Variants in AGBL3 observed in about 807,000 individuals in gnomAD.
AGBL3 encodes cytosolic carboxypeptidase 3.
A neutral mutation model predicts 94.5 loss-of-function variants in AGBL3; 68 were observed. The observed-to-expected ratio is 0.72, with a 90% CI of 0.59 to 0.88. The LOEUF is 0.88. AGBL3 is among the 40% of genes least tolerant of loss of function. AGBL3 has a pLI of 0.00. For synonymous variants in AGBL3, 354 were observed against 370.7 expected, an observed-to-expected ratio of 0.95 and a Z score of 0.52; for missense variants, 934 against 1,103.8, an observed-to-expected ratio of 0.85 and a Z score of 2.18.
chr7:135,082,234 T>C (rs956478027), intron 15 of AGBL3, among the ~76,000 whole-genome samples: 4 of 152,186 alleles, frequency 2.6e-5, no homozygotes, highest in African/African-American at 9.6e-5. Flanking sequence ...ATCTGTCCTC[T>C]CTAATAACAC....
At chr7:135,026,248 T>TTTTATTTTATTTTTTTA (rs775495542) in intron 5 of AGBL3, among the ~76,000 whole-genome samples, 54 of 113,710 alleles carry the variant, frequency 4.7e-4, no homozygotes, top group African/African-American at 2.3e-3. Flanking sequence ...AATACCATTA[T>TTTTATTTTATTTTTTTA]TTTATTTTAT....
At chr7:135,066,963 G>A (rs1201254911) in intron 12 of AGBL3, among the ~76,000 whole-genome samples, 1 of 152,208 alleles carries the variant, frequency 6.6e-6, no homozygotes, top group East Asian at 1.9e-4. Flanking sequence ...GAAGTACAAG[G>A]GGTCAGGGAA....
intron 12 of AGBL3, among the ~76,000 whole-genome samples, chr7:135,066,107 A>G (rs1475555279): frequency 6.6e-6 from 1 of 152,194 alleles, no homozygotes; most frequent in Non-Finnish European, 1.5e-5. Flanking sequence ...ATAGACAACA[A>G]AAACAAACTT....
Position 134,993,607 on chromosome 7 carries a change from C to T in AGBL3, c.239C>T (p.Ser80Phe). Reference sequence around the variant, plus strand: ...CCAAGGGATTTATATGGTGTCTCTTCTTCTGGTCCATTGAGCCCAACACGG... The same window carrying T: ...CCAAGGGATTTATATGGTGTCTCTTTTTCTGGTCCATTGAGCCCAACACGG... ...REPRDLYGVS[S>F]SGPLSPTRWP... is the part of the protein sequence containing the mutation. Residue 80 changes from serine to phenylalanine, a missense_variant, in exon 4 of 17, where the codon TCT becomes TTT. This residue lies in a region of AGBL3 where 488 missense variants were observed against 563.6 expected (regional missense o/e 0.87). Coordinates refer to ENST00000436302, the MANE Select transcript of AGBL3 (RefSeq NM_178563.4). 1.9e-6 allele frequency: 3 copies of T among 1,552,148 alleles called. No individual in the cohort carries two copies. The highest frequency in any genetic ancestry group is 2.6e-6 in the Non-Finnish European group (3 of 1,147,048).
intron 11 of AGBL3, among the ~76,000 whole-genome samples, chr7:135,057,434 G>C (rs1362543296): frequency 1.7e-5 from 1 of 59,194 alleles, no homozygotes. Context: ...AAAATAAAAA[G>C]ATGCTTGCCA....
intron 8 of AGBL3, among the ~76,000 whole-genome samples, chr7:135,039,729 C>T (rs1485671956): frequency 6.6e-6 from 1 of 151,658 alleles, no homozygotes; most frequent in Non-Finnish European, 1.5e-5. Flanking sequence ...TGTGAGACTC[C>T]ATCTCAAAAA....
chr7:135,135,081 T>C lies in AGBL3; in HGVS notation c.2583T>C (p.Thr861=). The change falls in exon 17 of 17, where the codon ACT becomes ACC. Residue 861 remains threonine, a synonymous_variant. Coordinates refer to ENST00000436302, the MANE Select transcript of AGBL3 (RefSeq NM_178563.4). ...DIKPLSSKWE[T]ASSSFGMDAN... Reference sequence around the variant, plus strand: ...AACCTCTCAGCAGCAAGTGGGAGACTGCTTCTTCAAGCTTTGGAATGGATG... The same window carrying C: ...AACCTCTCAGCAGCAAGTGGGAGACCGCTTCTTCAAGCTTTGGAATGGATG... The C allele has an allele frequency of 6.4e-7, 1 of 1,551,240 alleles. No individual in the cohort carries two copies. The highest frequency in any genetic ancestry group is 1.2e-5 in the South Asian group (1 of 84,052).
chr7:135,001,100 C>G (rs1811660584), intron 4 of AGBL3, among the ~76,000 whole-genome samples: 1 of 152,176 alleles, frequency 6.6e-6, no homozygotes, highest in South Asian at 2.1e-4. Flanking sequence ...TAAAATCCAT[C>G]CCAATACATT....
intron 15 of AGBL3, chr7:135,092,595 A>G (rs894896670): frequency 6.6e-6 from 1 of 152,194 alleles, no homozygotes; most frequent in African/African-American, 2.4e-5. Context: ...TGACAAGTAA[A>G]TAGACATAGT....
intron 15 of AGBL3, among the ~76,000 whole-genome samples, chr7:135,106,628 A>C (rs1824762422): frequency 6.6e-6 from 1 of 152,146 alleles, no homozygotes; most frequent in Admixed American, 6.5e-5. Context: ...TATTTTGTTG[A>C]GGATTTTTGC....
chr7:135,109,428 G>A (rs987216871), intron 15 of AGBL3, among the ~76,000 whole-genome samples: 1 of 150,696 alleles, frequency 6.6e-6, no homozygotes, highest in South Asian at 2.1e-4. Flanking sequence ...CTCAGACTGG[G>A]AGGACATGCC....
rs190277679 is a variant in AGBL3, at chr7:135,008,846, A to C, written c.311-8206A>C. Among the ~76,000 whole-genome samples the C allele has an allele frequency of 3.3e-5, 5 of 152,348 alleles. No individual in the cohort carries two copies. The East Asian group carries it at 9.6e-4, about 29-fold the overall frequency. On this transcript the variant is annotated intron_variant, in intron 4 of 16. Coordinates refer to ENST00000436302, the MANE Select transcript of AGBL3 (RefSeq NM_178563.4). ...AGGATCTAAATAAACATTTCTCCAA[A>C]GTAGATGAACAAATGGTCAATAAAC...
intron 3 of AGBL3, among the ~76,000 whole-genome samples, chr7:134,992,253 GC>G (rs1354394984): frequency 6.6e-6 from 1 of 152,172 alleles, no homozygotes; most frequent in Non-Finnish European, 1.5e-5. Flanking sequence ...TTGCCTTTCA[GC>G]TTTGTTAGAG....
At chr7:135,086,162 T>G (rs1821322826) in intron 15 of AGBL3, among the ~76,000 whole-genome samples, 1 of 152,066 alleles carries the variant, frequency 6.6e-6, no homozygotes, top group Admixed American at 6.6e-5. Context: ...GAAATACCAC[T>G]GATCTTTGTA....
At chr7:135,084,329 A>G (rs901274537) in intron 15 of AGBL3, among the ~76,000 whole-genome samples, 1 of 152,156 alleles carries the variant, frequency 6.6e-6, no homozygotes, top group Admixed American at 6.6e-5. Flanking sequence ...AACAGTTATC[A>G]TTTCTTTGTG....
intron 16 of AGBL3, 36 bp from the exon 17 acceptor site, chr7:135,134,805 A>C: frequency 6.5e-7 from 1 of 1,533,074 alleles, no homozygotes; most frequent in Non-Finnish European, 8.8e-7. Context: ...TAGGTCCATG[A>C]TGGACAAAAA....
chr7:135,107,192 C>T (rs1824862729), intron 15 of AGBL3, among the ~76,000 whole-genome samples: 1 of 151,692 alleles, frequency 6.6e-6, no homozygotes, highest in Non-Finnish European at 1.5e-5. Flanking sequence ...TTTTCAATGG[C>T]TTTTTCATGT....
chr7:135,125,222 G>A (rs1328051785), intron 16 of AGBL3, among the ~76,000 whole-genome samples: 1 of 152,092 alleles, frequency 6.6e-6, no homozygotes, highest in Non-Finnish European at 1.5e-5. Flanking sequence ...TATCACCACT[G>A]ATCCCACAGA....
chr7:135,021,978 C>T (rs1419505161), intron 5 of AGBL3, among the ~76,000 whole-genome samples: 3 of 152,148 alleles, frequency 2.0e-5, no homozygotes, highest in East Asian at 3.8e-4. Context: ...TCATCCATGT[C>T]CCTGCAAAGG....
Sources: gnomAD v4.1 joint callset for allele counts (sites outside exome capture counted in the v4.1 genomes callset) on GRCh38, gnomAD v4.1.1 for gene constraint, gnomAD v4.1.1 regional missense constraint, MANE v1.5 for transcripts, NCBI Gene and HGNC (gene_info 2026-07-23, HGNC 2026-07-21) for gene names.